The following DYNC1I1 variants were observed in gnomAD, a reference collection of about 807,000 sequenced individuals.
DYNC1I1 encodes the protein cytoplasmic dynein 1 intermediate chain 1.
DYNC1I1 carries 43 observed loss-of-function variants against 86.6 expected under a neutral mutation model. That is an observed-to-expected ratio of 0.50 (90% CI 0.39 to 0.64). The LOEUF (loss-of-function observed/expected upper bound fraction) is 0.64. Ranked by LOEUF, DYNC1I1 falls within the 30% of genes least tolerant of loss-of-function variation. The pLI, the probability that DYNC1I1 is intolerant of heterozygous loss-of-function variation, is 0.00. For synonymous variants in DYNC1I1, 262 were observed against 283.7 expected (o/e 0.92, Z 0.77); for missense variants, 604 against 788.8 (o/e 0.77, Z 2.81).
rs35181190 is a variant in DYNC1I1, at chr7:95,947,980, CTT to C, written c.491-29513_491-29512del. ...TCAAAAACCAGGTCTTTGTATGTGGCTTTTTTTTTTTTTTTTTTTTGGTAGCA... is the reference window on the plus strand; with the variant it reads ...TCAAAAACCAGGTCTTTGTATGTGGCTTTTTTTTTTTTTTTTTTGGTAGCA... On this transcript the variant is annotated intron_variant, in intron 6 of 16. Transcript: ENST00000447467. Among the ~76,000 whole-genome samples, 525 of 106,834 alleles carry C rather than the reference CTT, an allele frequency of 4.9e-3. 8 individuals are homozygous for C. Among genetic ancestry groups the C allele is most frequent in the East Asian group, 0.043 (153 of 3,578 alleles). 70.1% of individuals were successfully genotyped at this position (106,834 alleles called of 152,430 possible).
chr7:95,809,934 A>T (rs1043931597), intron 2 of DYNC1I1, among the ~76,000 whole-genome samples: 1 of 152,104 alleles, frequency 6.6e-6, no homozygotes, highest in Non-Finnish European at 1.5e-5. Context: ...ATAGTTAAAA[A>T]TTTTCATAAA....
intron 5 of DYNC1I1, among the ~76,000 whole-genome samples, chr7:95,854,087 A>G (rs905153452): frequency 6.6e-6 from 1 of 152,140 alleles, no homozygotes; most frequent in African/African-American, 2.4e-5. Context: ...TTTTTTATCC[A>G]TTCAGCCACT....
chr7:95,999,719 C>T (rs576971397), intron 10 of DYNC1I1, among the ~76,000 whole-genome samples: 18 of 152,188 alleles, frequency 1.2e-4, no homozygotes, highest in African/African-American at 3.6e-4. Flanking sequence ...AGTTAGGACT[C>T]GGAGTTCCAT....
intron 5 of DYNC1I1, among the ~76,000 whole-genome samples, chr7:95,863,189 A>G (rs976579606): frequency 6.6e-6 from 1 of 152,206 alleles, no homozygotes; most frequent in African/African-American, 2.4e-5. Flanking sequence ...CCATCAATAG[A>G]AAGAATGACA....
chr7:95,828,001 T>G, intron 4 of DYNC1I1, 56 bp from the exon 5 acceptor site: 1 of 1,598,376 alleles, frequency 6.3e-7, no homozygotes, highest in Non-Finnish European at 8.6e-7. Flanking sequence ...TTTGGTTTGT[T>G]GCCCTCCCCT....
chr7:95,775,930 C>A (rs753144227), intron 1 of DYNC1I1, among the ~76,000 whole-genome samples: 1 of 151,898 alleles, frequency 6.6e-6, no homozygotes, highest in Non-Finnish European at 1.5e-5. Context: ...ATGTATAAAC[C>A]CTTGACGAGG....
chr7:95,817,820 TA>T (rs1794980713), intron 4 of DYNC1I1, among the ~76,000 whole-genome samples: 2 of 152,216 alleles, frequency 1.3e-5, no homozygotes. Context: ...AGCCAACATT[TA>T]TTCTTCTCAT....
rs1311144795 is a variant in DYNC1I1 at position 95,892,200 on chromosome 7, G to GCA, written c.490+22202_490+22203insCA. ...CATCCAGGCTGGAGTGCAGTGGCATGATCTCAGCCCACTGCAACCTCCACC... is the reference window on the plus strand; with the variant it reads ...CATCCAGGCTGGAGTGCAGTGGCATGCAATCTCAGCCCACTGCAACCTCCACC... On this transcript the variant is annotated intron_variant, in intron 6 of 16. Coordinates refer to ENST00000447467, the MANE Select transcript of DYNC1I1 (RefSeq NM_001135556.2). 2.6e-5 allele frequency among the ~76,000 whole-genome samples: 4 copies of GCA among 151,450 alleles called. No individual in the cohort carries two copies. The East Asian group carries it at 7.8e-4, about 30-fold the overall frequency.
At chr7:95,776,374 T>C (rs1206944974) in intron 1 of DYNC1I1, among the ~76,000 whole-genome samples, 1 of 152,114 alleles carries the variant, frequency 6.6e-6, no homozygotes, top group Non-Finnish European at 1.5e-5. Context: ...AAAACATCCT[T>C]GATTCTTTGT....
At chr7:95,846,923 A>G (rs1018538303) in intron 5 of DYNC1I1, among the ~76,000 whole-genome samples, 1 of 152,080 alleles carries the variant, frequency 6.6e-6, no homozygotes, top group African/African-American at 2.4e-5. Context: ...CATTTTCTCT[A>G]TGACTCCATT....
intron 16 of DYNC1I1, among the ~76,000 whole-genome samples, chr7:96,095,832 A>G (rs1790986480): frequency 6.6e-6 from 1 of 151,874 alleles, no homozygotes; most frequent in Admixed American, 6.6e-5. Flanking sequence ...AAAATTGAAG[A>G]AAAAAAATGA....
intron 13 of DYNC1I1, among the ~76,000 whole-genome samples, chr7:96,036,918 G>A (rs1478288544): frequency 6.6e-6 from 1 of 152,210 alleles, no homozygotes; most frequent in East Asian, 1.9e-4. Context: ...GGGTCACTAT[G>A]TTCACACTGG....
chr7:96,002,817 G>GT (rs779527763), intron 10 of DYNC1I1, among the ~76,000 whole-genome samples: 18 of 149,082 alleles, frequency 1.2e-4, no homozygotes, highest in Non-Finnish European at 1.9e-4. Flanking sequence ...TTTGGTTTTG[G>GT]TTTTTTTTTG....
chr7:95,954,082 C>T (rs112993227), intron 6 of DYNC1I1, among the ~76,000 whole-genome samples: 136 of 151,958 alleles, frequency 8.9e-4, no homozygotes, highest in African/African-American at 3.1e-3. Context: ...TCCAAGGCAG[C>T]AGTAGGGCCG....
In DYNC1I1 at chr7:95,992,353, A is replaced by C. The variant is rs10480621; in HGVS notation, c.844-3595A>C. ...CTGTCATGGTGCCTTACATATTTATAGGGGACACTTGAGGCATGCCACAGC... is the reference window on the plus strand; with the variant it reads ...CTGTCATGGTGCCTTACATATTTATCGGGGACACTTGAGGCATGCCACAGC... On this transcript the variant is annotated intron_variant, in intron 9 of 16. Coordinates refer to ENST00000447467, the MANE Select transcript of DYNC1I1 (RefSeq NM_001135556.2). Among the ~76,000 whole-genome samples the C allele has an allele frequency of 6.8e-3, 1,031 of 152,270 alleles. 16 individuals carry two copies. Among genetic ancestry groups the C allele is most frequent in the African/African-American group, 0.023 (960 of 41,544 alleles).
chr7:95,958,339 C>T lies in DYNC1I1; in HGVS notation c.491-19173C>T, dbSNP rs560043306. Among the ~76,000 whole-genome samples, 194 of 152,264 alleles carry T rather than the reference C, an allele frequency of 1.3e-3. 1 individual carries two copies. Among genetic ancestry groups the T allele is most frequent in the African/African-American group, 4.6e-3 (191 of 41,558 alleles). On this transcript the variant is annotated intron_variant, in intron 6 of 16. Coordinates refer to ENST00000447467, the MANE Select transcript of DYNC1I1 (RefSeq NM_001135556.2). ...GATGCAATAGCTCACAAGTGTACTC[C>T]TAGCGTTTTAAGAGGCTGAGGCAGG...
At chr7:96,005,868 T>G (rs1329384856) in intron 10 of DYNC1I1, among the ~76,000 whole-genome samples, 1 of 152,174 alleles carries the variant, frequency 6.6e-6, no homozygotes, top group Non-Finnish European at 1.5e-5. Flanking sequence ...TGACTCAAAG[T>G]GGCCCAGTAT....
At chr7:95,847,784 G>T (rs1026449193) in intron 5 of DYNC1I1, among the ~76,000 whole-genome samples, 2 of 151,990 alleles carry the variant, frequency 1.3e-5, no homozygotes, top group Non-Finnish European at 2.9e-5. Context: ...AGGAGATCTC[G>T]CTAGGATATT....
At chr7:95,898,101 G>A (rs1790935220) in intron 6 of DYNC1I1, among the ~76,000 whole-genome samples, 2 of 152,140 alleles carry the variant, frequency 1.3e-5, no homozygotes, top group African/African-American at 4.8e-5. Context: ...GGAGATTGCT[G>A]GGAATTATTC....
Sources: allele counts gnomAD v4.1 joint callset (sites outside exome capture counted in the v4.1 genomes callset), GRCh38; gene constraint gnomAD v4.1.1; transcripts MANE v1.5; gene names NCBI Gene and HGNC (gene_info 2026-07-23, HGNC 2026-07-21).